CCR5AS: variants seen among roughly 807,000 people sequenced by gnomAD.
The protein encoded by CCR5AS is CCR5 antisense RNA.
intron 2 of CCR5AS, among the ~76,000 whole-genome samples, chr3:46,381,469 C>T (rs764001137): frequency 6.6e-6 from 1 of 152,204 alleles, no homozygotes; most frequent in Non-Finnish European, 1.5e-5. Flanking sequence ...TACACACACA[C>T]AAACACCTCC....
At chr3:46,382,479 A>C (rs1244189504) in intron 2 of CCR5AS, among the ~76,000 whole-genome samples, 1 of 152,196 alleles carries the variant, frequency 6.6e-6, no homozygotes, top group Non-Finnish European at 1.5e-5. Context: ...CTCACTGCTC[A>C]TGTGTTAGCA....
At chr3:46,369,071 CTT>C in intron 3 of CCR5AS, among the ~76,000 whole-genome samples, 1 of 152,324 alleles carries the variant, frequency 6.6e-6, no homozygotes, top group Non-Finnish European at 1.5e-5. Context: ...TTTTTGAACT[CTT>C]TCAAAAGCAC....
At chr3:46,373,125 T>A (rs892625803) in intron 2 of CCR5AS, 7 of 1,614,178 alleles carry the variant, frequency 4.3e-6, no homozygotes, top group Non-Finnish European at 5.9e-6. Context: ...CCTGGCCATC[T>A]CTGACCTGTT....
chr3:46,372,957 C>A, intron 2 of CCR5AS: 1 of 1,612,052 alleles, frequency 6.2e-7, no homozygotes, highest in Non-Finnish European at 8.5e-7. Flanking sequence ...TACATCGGAG[C>A]CCTGCCAAAA....
intron 1 of CCR5AS, among the ~76,000 whole-genome samples, chr3:46,395,571 C>T (rs1412796251): frequency 6.6e-6 from 1 of 152,148 alleles, no homozygotes; most frequent in African/African-American, 2.4e-5. Flanking sequence ...GAAAAAACAT[C>T]CATGGAACCC....
chr3:46,390,968 T>C (rs1701906573), intron 2 of CCR5AS, among the ~76,000 whole-genome samples: 1 of 152,200 alleles, frequency 6.6e-6, no homozygotes, highest in Non-Finnish European at 1.5e-5. Flanking sequence ...CTGTAAGAGT[T>C]ACCCAAAGCA....
chr3:46,364,381 T>A (rs1423085392), downstream of CCR5AS, among the ~76,000 whole-genome samples: 1 of 152,248 alleles, frequency 6.6e-6, no homozygotes, highest in Non-Finnish European at 1.5e-5. Flanking sequence ...AAAGCCTGGA[T>A]GACAACACAT....
intron 1 of CCR5AS, among the ~76,000 whole-genome samples, chr3:46,402,626 G>C (rs2106781447): frequency 6.6e-6 from 1 of 152,268 alleles, no homozygotes; most frequent in South Asian, 2.1e-4. Flanking sequence ...GATTATATTT[G>C]AAGAAGCCAT....
chr3:46,376,185 T>C (rs541816244), intron 2 of CCR5AS: 1 of 166,342 alleles, frequency 6.0e-6, no homozygotes, highest in South Asian at 2.1e-4. Flanking sequence ...ATGCATCTAA[T>C]AAAAAACACC....
intron 2 of CCR5AS, chr3:46,373,804 G>T (rs1800943): frequency 6.2e-7 from 1 of 1,613,972 alleles, no homozygotes; most frequent in Non-Finnish European, 8.5e-7. Flanking sequence ...GCCTTTGTCG[G>T]GGAGAAGTTC....
chr3:46,395,343 T>A (rs1701949900), intron 1 of CCR5AS, among the ~76,000 whole-genome samples: 1 of 152,018 alleles, frequency 6.6e-6, no homozygotes. Context: ...GAGATCGACA[T>A]CTGGGGTCAC....
chr3:46,373,236 T>C (rs1395119232), intron 2 of CCR5AS: 3 of 1,614,192 alleles, frequency 1.9e-6, no homozygotes, highest in Non-Finnish European at 2.5e-6. Context: ...TTTTATAGGC[T>C]TCTTCTCTGG....
At chr3:46,364,105 G>T (rs920107093), downstream of CCR5AS, among the ~76,000 whole-genome samples, 7 of 152,230 alleles carry the variant, frequency 4.6e-5, no homozygotes, top group African/African-American at 1.7e-4. Flanking sequence ...GATAATTGAT[G>T]AAAGTGTCTA....
exon 4 of CCR5AS, among the ~76,000 whole-genome samples, chr3:46,364,546 G>C (rs1190164120): frequency 6.6e-6 from 1 of 152,034 alleles, no homozygotes; most frequent in African/African-American, 2.4e-5. Context: ...TTTCATCCCT[G>C]CTAACACAAA....
chr3:46,381,288 C>A (rs759364195), intron 2 of CCR5AS, among the ~76,000 whole-genome samples: 8 of 152,170 alleles, frequency 5.3e-5, no homozygotes, highest in Non-Finnish European at 1.0e-4. Flanking sequence ...CCCCCCATTT[C>A]CTTATCCCTG....
chr3:46,400,381 T>A (rs1575288327), intron 1 of CCR5AS, among the ~76,000 whole-genome samples: 1 of 152,026 alleles, frequency 6.6e-6, no homozygotes, highest in East Asian at 1.9e-4. Flanking sequence ...GAGGTCAGGG[T>A]GTTGACAAGA....
rs1304225786 is a variant in CCR5AS, at chr3:46,375,501, A to T, written n.392-4084T>A. On this transcript the variant is annotated intron_variant and non_coding_transcript_variant, in intron 2 of 3. Coordinates refer to ENST00000451485, the Ensembl canonical transcript of CCR5AS. ...GGTGAGGGAAGCCTGAAAAACTAAG[A>T]TGCTGCCTGCCCAGTGCACACAAGT... The T allele has an allele frequency of 1.1e-4, 18 of 167,050 alleles. No individual in the cohort carries two copies. In the Admixed American group the frequency reaches 1.2e-3, roughly 11 times the overall value. 10.3% of individuals were successfully genotyped at this position (167,050 alleles called of 1,614,324 possible). A position where few individuals can be genotyped will look rare whatever the true frequency, so the allele number is the denominator to read the frequency against.
At chr3:46,394,515 G>A (rs1373166773) in intron 1 of CCR5AS, among the ~76,000 whole-genome samples, 5 of 152,058 alleles carry the variant, frequency 3.3e-5, no homozygotes, top group African/African-American at 1.2e-4. Flanking sequence ...TGCCCATCGT[G>A]AGTCCCACCA....
chr3:46,368,760 C>T (rs980486816), intron 3 of CCR5AS, among the ~76,000 whole-genome samples: 2 of 152,330 alleles, frequency 1.3e-5, no homozygotes, highest in East Asian at 1.9e-4. Flanking sequence ...AGCAGCACAG[C>T]GTGTGTGACT....
Sources: gnomAD v4.1 joint callset for allele counts (sites outside exome capture counted in the v4.1 genomes callset) on GRCh38, gnomAD v4.1.1 for gene constraint, MANE v1.5 for transcripts, NCBI Gene and HGNC (gene_info 2026-07-23, HGNC 2026-07-21) for gene names.